The following GAP43 variants were observed in gnomAD, a reference collection of about 807,000 sequenced individuals.
GAP43 encodes growth associated protein 43.
GAP43 carries 6 observed loss-of-function variants against 18.6 expected under a neutral mutation model. The ratio of observed to expected loss-of-function variants is 0.32; its 90% CI spans 0.18 to 0.64. GAP43 has a LOEUF of 0.64. Ranked by LOEUF, GAP43 falls within the 30% of genes least tolerant of loss-of-function variation. The probability of loss-of-function intolerance (pLI) is 0.78; values close to 1 mark genes in which losing one functional copy is unlikely to be tolerated. For missense variants in GAP43, 292 were observed against 295.5 expected (o/e 0.99, Z 0.09); for synonymous variants, 115 against 111.4 (o/e 1.03, Z -0.20).
intron 1 of GAP43, among the ~76,000 whole-genome samples, chr3:115,635,586 A>C (rs1047790869): frequency 2.0e-5 from 3 of 152,178 alleles, no homozygotes; most frequent in African/African-American, 7.2e-5. Flanking sequence ...TCTAGTAAAA[A>C]CTGTCATGGG....
intron 1 of GAP43, among the ~76,000 whole-genome samples, chr3:115,631,055 T>TC (rs1263047563): frequency 1.3e-5 from 2 of 152,138 alleles, no homozygotes; most frequent in African/African-American, 2.4e-5. Flanking sequence ...GCTCTATTGG[T>TC]CCCCCTCACA....
intron 1 of GAP43, among the ~76,000 whole-genome samples, chr3:115,665,693 T>C (rs1708723696): frequency 6.6e-6 from 1 of 152,182 alleles, no homozygotes; most frequent in Non-Finnish European, 1.5e-5. Context: ...TGTGTATCCT[T>C]ACTAGATATG....
At chr3:115,713,171 TTTATTA>T (rs561654146) in intron 2 of GAP43, among the ~76,000 whole-genome samples, 24 of 152,086 alleles carry the variant, frequency 1.6e-4, no homozygotes, top group African/African-American at 5.8e-4. Flanking sequence ...GCCAAAGATT[TTTATTA>T]TTATTATTAT....
intron 1 of GAP43, among the ~76,000 whole-genome samples, chr3:115,660,108 T>C (rs1708639558): frequency 6.6e-6 from 1 of 152,146 alleles, no homozygotes; most frequent in Admixed American, 6.5e-5. Flanking sequence ...GCCTAAAGGA[T>C]GGTGTCTGCT....
chr3:115,668,817 T>C (rs1190173922), intron 1 of GAP43, among the ~76,000 whole-genome samples: 2 of 152,116 alleles, frequency 1.3e-5, no homozygotes, highest in Non-Finnish European at 2.9e-5. Context: ...GGCAGGAAGA[T>C]GGCTTGAGTC....
At chr3:115,660,531 G>A (rs1482456962) in intron 1 of GAP43, among the ~76,000 whole-genome samples, 1 of 152,208 alleles carries the variant, frequency 6.6e-6, no homozygotes, top group African/African-American at 2.4e-5. Flanking sequence ...GAGTCAGGTT[G>A]GGATATGTCA....
chr3:115,662,120 T>G (rs1267013984), intron 1 of GAP43, among the ~76,000 whole-genome samples: 1 of 152,106 alleles, frequency 6.6e-6, no homozygotes, highest in Non-Finnish European at 1.5e-5. Flanking sequence ...AGATTGAATG[T>G]TATAGTGTTA....
rs1559798534 is a variant in GAP43, at chr3:115,676,368, C to T, written c.386C>T (p.Ala129Val). ...ATEQAAPQAP[A>V]SSEEKAGSAE... Reference sequence around the variant, plus strand: ...GAGCAGGCAGCCCCCCAGGCTCCTGCATCCTCAGAGGAGAAGGCCGGCTCA... The same window carrying T: ...GAGCAGGCAGCCCCCCAGGCTCCTGTATCCTCAGAGGAGAAGGCCGGCTCA... The change falls in exon 2 of 3, where the codon GCA becomes GTA. Residue 129 changes from alanine (A) to valine (V), a missense_variant. By Grantham distance (64) the Ala-to-Val change is moderately conservative. Transcript: ENST00000305124. 1.9e-6 allele frequency: 3 copies of T among 1,614,114 alleles called. No individual in the cohort carries two copies. Among genetic ancestry groups the T allele is most frequent in the Non-Finnish European group, 2.5e-6 (3 of 1,179,988 alleles).
chr3:115,712,075 GT>G lies in GAP43; in HGVS notation c.629-8715del, dbSNP rs552149400. Reference sequence around the variant, plus strand: ...TTGATAGACATTTTTTATAAATAATGTTTTAAGAAGTTTTCAAGGCTAGTCA... The same window carrying G: ...TTGATAGACATTTTTTATAAATAATGTTTAAGAAGTTTTCAAGGCTAGTCA... On this transcript the variant is annotated intron_variant, in intron 2 of 2. Coordinates refer to ENST00000305124, the MANE Select transcript of GAP43 (RefSeq NM_002045.4). 3.2e-3 allele frequency among the ~76,000 whole-genome samples: 491 copies of G among 152,210 alleles called. 4 individuals are homozygous for G. Among genetic ancestry groups the G allele is most frequent in the African/African-American group, 0.011 (475 of 41,532 alleles).
chr3:115,690,653 A>G lies in GAP43; in HGVS notation c.628+14043A>G, dbSNP rs1471672566. Among the ~76,000 whole-genome samples, 3 of 151,918 alleles carry G rather than the reference A, an allele frequency of 2.0e-5. No homozygotes were observed. The East Asian group carries it at 5.8e-4, about 29-fold the overall frequency. ...GTCCTCAATTATTATCATTTTGCCT[A>G]AGTTTTCTTCTGATAATCTGAAATA... is the stretch of plus-strand genomic sequence containing the variant. On this transcript the variant is annotated intron_variant, in intron 2 of 2. Coordinates refer to ENST00000305124, the MANE Select transcript of GAP43 (RefSeq NM_002045.4).
Position 115,720,776 on chromosome 3 carries a change from T to A in GAP43, c.629-18T>A. 2 of 1,582,936 alleles carry A rather than the reference T, an allele frequency of 1.3e-6. No homozygotes were observed. The highest frequency in any genetic ancestry group is 8.7e-7 in the Non-Finnish European group (1 of 1,152,726). ...ATTCTCTCCTTTTCCCCCCATCCTA[T>A]CTTGTTTTCTTTCTCAGAAGCTGTA... On this transcript the variant is annotated intron_variant, in intron 2 of 2. Transcript: ENST00000305124.
intron 2 of GAP43, among the ~76,000 whole-genome samples, chr3:115,692,333 A>T (rs1280681178): frequency 6.6e-6 from 1 of 152,238 alleles, no homozygotes; most frequent in Non-Finnish European, 1.5e-5. Flanking sequence ...CTGTCATTCA[A>T]TTAATTTGTA....
chr3:115,689,055 C>A (rs888248622), intron 2 of GAP43, among the ~76,000 whole-genome samples: 4 of 152,192 alleles, frequency 2.6e-5, no homozygotes, highest in Non-Finnish European at 5.9e-5. Flanking sequence ...AGGGCCTTTA[C>A]ACTTGCTTTC....
At chr3:115,661,777 C>G (rs1040376931) in intron 1 of GAP43, among the ~76,000 whole-genome samples, 2 of 145,280 alleles carry the variant, frequency 1.4e-5, no homozygotes, top group Non-Finnish European at 3.0e-5. Flanking sequence ...TGTGAGCCAC[C>G]GCACCCAGCA....
chr3:115,649,500 G>A (rs537616468), intron 1 of GAP43, among the ~76,000 whole-genome samples: 1 of 152,204 alleles, frequency 6.6e-6, no homozygotes, highest in African/African-American at 2.4e-5. Context: ...ATAGAGAAGG[G>A]AAGACTGAAA....
intron 1 of GAP43, among the ~76,000 whole-genome samples, chr3:115,630,150 A>G (rs1212183359): frequency 6.6e-6 from 1 of 152,148 alleles, no homozygotes; most frequent in Non-Finnish European, 1.5e-5. Context: ...TTTGCTTCAC[A>G]ACTCTTACAA....
At chr3:115,696,293 A>T (rs1709188432) in intron 2 of GAP43, among the ~76,000 whole-genome samples, 3 of 152,116 alleles carry the variant, frequency 2.0e-5, no homozygotes, top group African/African-American at 7.2e-5. Flanking sequence ...ATTTCCTGAT[A>T]CTTAGGCCAT....
chr3:115,631,578 C>T (rs1277077816), intron 1 of GAP43, among the ~76,000 whole-genome samples: 3 of 152,290 alleles, frequency 2.0e-5, no homozygotes, highest in Non-Finnish European at 2.9e-5. Flanking sequence ...AGAATACACA[C>T]ATTCCCCATT....
intron 2 of GAP43, among the ~76,000 whole-genome samples, chr3:115,704,279 C>T (rs575503075): frequency 6.6e-6 from 1 of 152,156 alleles, no homozygotes; most frequent in East Asian, 1.9e-4. Flanking sequence ...TCCTCTTCCT[C>T]AGGATAGTGC....
Sources: gnomAD v4.1 joint callset for allele counts (sites outside exome capture counted in the v4.1 genomes callset) on GRCh38, gnomAD v4.1.1 for gene constraint, MANE v1.5 for transcripts, NCBI Gene and HGNC (gene_info 2026-07-23, HGNC 2026-07-21) for gene names.